The following CDH13 variants were observed in gnomAD, a reference collection of about 807,000 sequenced individuals.
CDH13 encodes the protein cadherin-13.
In CDH13, 24 loss-of-function variants were observed where a neutral mutation model predicts 63.8. That is an observed-to-expected ratio of 0.38 (90% CI 0.27 to 0.53). The LOEUF (loss-of-function observed/expected upper bound fraction) is 0.53. Among genes scored for constraint, CDH13 ranks in the 20% least tolerant of loss-of-function variants. The pLI is 0.85. For synonymous variants in CDH13, 503 were observed against 355.3 expected (o/e 1.42, Z -4.67); for missense variants, 1,049 against 903.1 (o/e 1.16, Z -2.07).
At chr16:83,030,600 G>A (rs1203705535) in intron 2 of CDH13, among the ~76,000 whole-genome samples, 6 of 139,830 alleles carry the variant, frequency 4.3e-5, no homozygotes, top group Non-Finnish European at 6.0e-5. Flanking sequence ...CCAAGATCGC[G>A]CCACTGCACT....
At chr16:82,847,194 A>C (rs898488632) in intron 1 of CDH13, among the ~76,000 whole-genome samples, 2 of 152,236 alleles carry the variant, frequency 1.3e-5, no homozygotes, top group African/African-American at 4.8e-5. Context: ...GGGCCAGGCT[A>C]TAGTAGACTG....
intron 7 of CDH13, among the ~76,000 whole-genome samples, chr16:83,513,573 A>G (rs372382282): frequency 3.9e-5 from 6 of 152,174 alleles, no homozygotes; most frequent in Admixed American, 6.5e-5. Flanking sequence ...GGGAAAGTCA[A>G]CCGTCCTTCT....
In CDH13 at chr16:83,729,819, C is replaced by G. The variant is rs555804772; in HGVS notation, c.1539-18289C>G. Among the ~76,000 whole-genome samples, 6 of 152,328 alleles carry G rather than the reference C, an allele frequency of 3.9e-5. No individual in the cohort carries two copies. In the East Asian group the frequency reaches 1.2e-3, roughly 29 times the overall value. Reference sequence around the variant, plus strand: ...TTACCGCAACTGCCACTAGCATTCCCTTCCAAGGTATTTTCTCAGCCAGCA... The same window carrying G: ...TTACCGCAACTGCCACTAGCATTCCGTTCCAAGGTATTTTCTCAGCCAGCA... On this transcript the variant is annotated intron_variant, in intron 10 of 13. Coordinates refer to ENST00000567109, the MANE Select transcript of CDH13 (RefSeq NM_001257.5).
intron 2 of CDH13, among the ~76,000 whole-genome samples, chr16:82,988,171 G>C (rs1014032954): frequency 1.3e-5 from 2 of 152,172 alleles, no homozygotes; most frequent in African/African-American, 2.4e-5. Flanking sequence ...TGCATATGTG[G>C]TGTGTGTATG....
At chr16:82,682,535 A>T (rs1914657066) in intron 1 of CDH13, among the ~76,000 whole-genome samples, 1 of 152,228 alleles carries the variant, frequency 6.6e-6, no homozygotes, top group Non-Finnish European at 1.5e-5. Flanking sequence ...TGGGATCCAT[A>T]TCCAAGTATG....
intron 3 of CDH13, among the ~76,000 whole-genome samples, chr16:83,116,560 T>C (rs1597366080): frequency 6.6e-6 from 1 of 152,200 alleles, no homozygotes. Flanking sequence ...TGGGGACATA[T>C]CGCATGGTTT....
Position 83,372,749 on chromosome 16 carries a change from T to TCAAAAAA in CDH13, c.781+27743_781+27744insCAAAAAA, listed in dbSNP as rs1555537364. On this transcript the variant is annotated intron_variant, in intron 6 of 13. Coordinates refer to ENST00000567109, the MANE Select transcript of CDH13 (RefSeq NM_001257.5). ...CCTGGTGACAGAGCGAGACTCGGTCTAAAAAAAAAAAAAAAAAAAAAAAAG... is the reference window on the plus strand; with the variant it reads ...CCTGGTGACAGAGCGAGACTCGGTCTCAAAAAAAAAAAAAAAAAAAAAAAAAAAAAAG... Among the ~76,000 whole-genome samples, 8 of 95,570 alleles carry TCAAAAAA rather than the reference T, an allele frequency of 8.4e-5. 1 individual carries two copies. Among genetic ancestry groups the TCAAAAAA allele is most frequent in the South Asian group, 7.3e-4 (2 of 2,728 alleles). The allele number at this position is 95,570 out of a possible 152,430, so 62.7% of individuals were successfully genotyped here.
At chr16:83,318,800 C>A (rs1297345108) in intron 5 of CDH13, among the ~76,000 whole-genome samples, 1 of 152,058 alleles carries the variant, frequency 6.6e-6, no homozygotes, top group East Asian at 1.9e-4. Context: ...TCTTAGTGAC[C>A]AGACAATGGT....
intron 2 of CDH13, among the ~76,000 whole-genome samples, chr16:83,020,905 C>T (rs537355763): frequency 1.3e-5 from 2 of 152,188 alleles, no homozygotes; most frequent in Admixed American, 6.5e-5. Context: ...CTAGACAACC[C>T]CAACTGCAAG....
chr16:83,545,704 C>T (rs1222857508), intron 7 of CDH13, among the ~76,000 whole-genome samples: 3 of 152,130 alleles, frequency 2.0e-5, no homozygotes, highest in African/African-American at 4.8e-5. Context: ...CTCTCCCTGC[C>T]GTATCTTCTT....
At chr16:82,795,573 C>T (rs1369226282) in intron 1 of CDH13, among the ~76,000 whole-genome samples, 1 of 152,148 alleles carries the variant, frequency 6.6e-6, no homozygotes, top group Non-Finnish European at 1.5e-5. Flanking sequence ...TATATTATCC[C>T]CATTTTACAG....
intron 2 of CDH13, among the ~76,000 whole-genome samples, chr16:82,930,975 C>T (rs147545149): frequency 0.017 from 2,606 of 152,310 alleles, 36 homozygotes; most frequent in Middle Eastern, 0.054. Context: ...GGGCAGCTTC[C>T]GCTGGTTTTA....
chr16:83,011,264 A>G (rs1597403067), intron 2 of CDH13, among the ~76,000 whole-genome samples: 1 of 152,170 alleles, frequency 6.6e-6, no homozygotes, highest in Non-Finnish European at 1.5e-5. Flanking sequence ...AATAATAGTA[A>G]TATCACACAG....
chr16:83,400,211 A>G (rs1364305), intron 6 of CDH13, among the ~76,000 whole-genome samples: 105,508 of 151,444 alleles, frequency 0.7, 36,893 homozygotes, highest in East Asian at 0.81. Context: ...CACGAAAGGG[A>G]TGACTTTTAA....
intron 2 of CDH13, among the ~76,000 whole-genome samples, chr16:82,957,904 TCATAA>T (rs1455687363): frequency 1.3e-5 from 2 of 152,230 alleles, no homozygotes; most frequent in African/African-American, 4.8e-5. Context: ...AAATGTGCAC[TCATAA>T]TTTTGCCAGT....
intron 10 of CDH13, among the ~76,000 whole-genome samples, chr16:83,731,193 C>G (rs1911005769): frequency 6.6e-6 from 1 of 152,216 alleles, no homozygotes; most frequent in Admixed American, 6.5e-5. Flanking sequence ...AGTAGGATTG[C>G]TGAGTCAAAT....
chr16:83,103,420 AT>A (rs2034609754), intron 3 of CDH13, among the ~76,000 whole-genome samples: 1 of 149,982 alleles, frequency 6.7e-6, no homozygotes, highest in Non-Finnish European at 1.5e-5. Context: ...TGATTTTTAT[AT>A]TTTTAGTAGA....
At chr16:83,216,402 A>ATATATATGTG (rs1555513834) in intron 4 of CDH13, among the ~76,000 whole-genome samples, 3 of 50,346 alleles carry the variant, frequency 6.0e-5, no homozygotes, top group African/African-American at 9.4e-5. Flanking sequence ...ATTGAAATAT[A>ATATATATGTG]TATATATATA....
At chr16:82,637,348 G>T (rs866668481) in intron 1 of CDH13, among the ~76,000 whole-genome samples, 56 of 149,920 alleles carry the variant, frequency 3.7e-4, no homozygotes, top group African/African-American at 1.3e-3. Context: ...TCTCAACAAA[G>T]ATATTTAGTG....
Sources: allele counts gnomAD v4.1 joint callset (sites outside exome capture counted in the v4.1 genomes callset), GRCh38; gene constraint gnomAD v4.1.1; transcripts MANE v1.5; gene names NCBI Gene and HGNC (gene_info 2026-07-23, HGNC 2026-07-21).